The following VPS13D variants were observed in gnomAD, a reference collection of about 807,000 sequenced individuals.
VPS13D encodes vacuolar protein sorting 13 homolog D, also known as intermembrane lipid transfer protein VPS13D.
Under a neutral mutation model 461.9 loss-of-function variants are expected in VPS13D, and 187 were observed. That is an observed-to-expected ratio of 0.40 (90% CI 0.36 to 0.46). The LOEUF (loss-of-function observed/expected upper bound fraction) is 0.46, where lower values mean the gene tolerates loss of function less well. Ranked by LOEUF, VPS13D falls within the 20% of genes least tolerant of loss-of-function variation. The pLI is 0.60. For missense variants in VPS13D, 4,711 were observed against 5,364.9 expected (o/e 0.88, Z 3.81); for synonymous variants, 1,951 against 1,986.3 (o/e 0.98, Z 0.47).
At chr1:12,416,517 A>G (rs1176237004) in intron 64 of VPS13D, 143 bp from the exon 65 acceptor site, 1 of 857,030 alleles carries the variant, frequency 1.2e-6, no homozygotes, top group Non-Finnish European at 1.7e-6. Context: ...CAGTTGATGA[A>G]GATTAAAAGC....
At chr1:12,252,071 T>C (rs1640751810) in intron 6 of VPS13D, among the ~76,000 whole-genome samples, 1 of 152,108 alleles carries the variant, frequency 6.6e-6, no homozygotes, top group African/African-American at 2.4e-5. Flanking sequence ...CATGTGGCCT[T>C]CTCCTTGTGT....
chr1:12,324,343 C>T (rs1359695440), intron 35 of VPS13D, among the ~76,000 whole-genome samples: 1 of 152,078 alleles, frequency 6.6e-6, no homozygotes, highest in Non-Finnish European at 1.5e-5. Flanking sequence ...CGCATCTCTA[C>T]TAAAAATACA....
chr1:12,293,848 G>A, intron 24 of VPS13D, 144 bp downstream of exon 24: 1 of 824,138 alleles, frequency 1.2e-6, no homozygotes, highest in Non-Finnish European at 1.8e-6. Context: ...AGACATCTTT[G>A]TGTAATTGAA....
At chr1:12,320,079 C>G (rs2101525395) in intron 32 of VPS13D, among the ~76,000 whole-genome samples, 1 of 152,320 alleles carries the variant, frequency 6.6e-6, no homozygotes, top group Non-Finnish European at 1.5e-5. Flanking sequence ...TGCTAAGGAT[C>G]TTATATGTTA....
chr1:12,500,733 T>C (rs1170040610), intron 68 of VPS13D, among the ~76,000 whole-genome samples: 2 of 151,712 alleles, frequency 1.3e-5, no homozygotes, highest in Non-Finnish European at 2.9e-5. Flanking sequence ...TTTCAATTTT[T>C]TGTAGAGATG....
chr1:12,350,482 A>G (rs953130989), intron 46 of VPS13D, among the ~76,000 whole-genome samples: 4 of 152,226 alleles, frequency 2.6e-5, no homozygotes, highest in African/African-American at 9.6e-5. Context: ...TCAAAAGGTA[A>G]TAAAAGGCAG....
chr1:12,416,580 A>G, intron 64 of VPS13D, 80 bp from the exon 65 acceptor site: 1 of 1,436,156 alleles, frequency 7.0e-7, no homozygotes, highest in Admixed American at 2.3e-5. Flanking sequence ...TAGATTTCTA[A>G]GCTCTTCGCT....
chr1:12,315,436 A>C (rs1184867064), intron 30 of VPS13D, among the ~76,000 whole-genome samples: 1 of 152,160 alleles, frequency 6.6e-6, no homozygotes, highest in Non-Finnish European at 1.5e-5. Flanking sequence ...TGAACTTTAA[A>C]AGTTCAGGAG....
chr1:12,285,548 C>T (rs1042271582), intron 21 of VPS13D, among the ~76,000 whole-genome samples: 8 of 152,054 alleles, frequency 5.3e-5, no homozygotes, highest in African/African-American at 1.9e-4. Context: ...CCTCAGTCTC[C>T]CAAAGTGCTG....
In VPS13D at chr1:12,502,118, G is replaced by C. The variant is rs548298654; in HGVS notation, c.12794+4487G>C. Among the ~76,000 whole-genome samples the C allele has an allele frequency of 8.5e-5, 13 of 152,288 alleles. 1 individual carries two copies. The highest frequency in any genetic ancestry group is 3.4e-3 in the Middle Eastern group (1 of 294). ...CTGTAGGTGGGAGTGAGATTGTGAG[G>C]AAGAGGATCCCACTCAAAATTCGTC... is the stretch of plus-strand genomic sequence containing the variant. On this transcript the variant is annotated intron_variant, in intron 68 of 69. Transcript: ENST00000620676. This position sits in a 1 kb window ranked among gnomAD's most constrained non-coding sequence, Gnocchi z 4.3.
intron 65 of VPS13D, among the ~76,000 whole-genome samples, chr1:12,454,904 A>G (rs1446667052): frequency 6.6e-6 from 1 of 152,232 alleles, no homozygotes; most frequent in African/African-American, 2.4e-5. Flanking sequence ...TTAATTATAT[A>G]TTTGATATCC....
chr1:12,286,047 CTTCCT>C (rs576395750), intron 21 of VPS13D, among the ~76,000 whole-genome samples: 41 of 144,824 alleles, frequency 2.8e-4, no homozygotes, highest in Admixed American at 2.0e-3. Context: ...CCTCCCTTCC[CTTCCT>C]TTCCTTTCCT....
intron 69 of VPS13D, 32 bp from the exon 70 acceptor site, chr1:12,508,861 G>A: frequency 6.2e-7 from 1 of 1,607,056 alleles, no homozygotes; most frequent in Non-Finnish European, 8.5e-7. Context: ...CCCATCCTGG[G>A]GACAGGTGAC....
intron 66 of VPS13D, 87 bp from the exon 67 acceptor site, chr1:12,460,114 T>G: frequency 7.9e-7 from 1 of 1,264,930 alleles, no homozygotes; most frequent in Non-Finnish European, 1.1e-6. Context: ...TGGCCTTAAG[T>G]TATCATTCCA....
chr1:12,388,716 A>G (rs1244077751), intron 60 of VPS13D, among the ~76,000 whole-genome samples: 1 of 152,228 alleles, frequency 6.6e-6, no homozygotes, highest in African/African-American at 2.4e-5. Flanking sequence ...CAATTAACTA[A>G]ATTTAAATGT....
At chr1:12,351,176 C>T (rs1490201463) in intron 46 of VPS13D, among the ~76,000 whole-genome samples, 2 of 152,146 alleles carry the variant, frequency 1.3e-5, no homozygotes, top group East Asian at 1.9e-4. Context: ...AGAACAATTC[C>T]GAACTCATTT....
chr1:12,415,255 A>T, intron 64 of VPS13D, 34 bp downstream of exon 64: 1 of 1,613,384 alleles, frequency 6.2e-7, no homozygotes, highest in Middle Eastern at 1.7e-4. Flanking sequence ...TGGCTGGAGC[A>T]TAAGCAGAAT....
Position 12,276,866 on chromosome 1 carries a change from C to T in VPS13D, c.3278C>T (p.Ser1093Leu), listed in dbSNP as rs749131745. Reference sequence around the variant, plus strand: ...CAGTTTGTGAGTTCAGAGTGCCCATCGATGAATTTAGACAGTACTCTTCAG... The same window carrying T: ...CAGTTTGTGAGTTCAGAGTGCCCATTGATGAATTTAGACAGTACTCTTCAG... ...EYQFVSSECP[S>L]MNLDSTLQVI... Residue 1093 changes from serine (S) to leucine (L), a missense_variant, in exon 19 of 70, where the codon TCG (serine) becomes TTG (leucine). By Grantham distance (145) the Ser-to-Leu change is moderately radical (BLOSUM62 -2). Coordinates refer to ENST00000620676, the MANE Select transcript of VPS13D (RefSeq NM_015378.4). The surrounding 1 kb of genome is among the most constrained non-coding windows in gnomAD (Gnocchi z 4.5). The T allele has an allele frequency of 3.2e-5, 52 of 1,613,992 alleles. No individual in the cohort carries two copies. The highest frequency in any genetic ancestry group is 3.3e-4 in the Middle Eastern group (2 of 6,084).
rs551913489 is a variant in VPS13D, at chr1:12,288,196, G to A, written c.5635-27G>A. On this transcript the variant is annotated intron_variant, in intron 21 of 69. Transcript: ENST00000620676. Reference sequence around the variant, plus strand: ...ATACCTTTTCTCCCCAGTAATATTGGCCTTGCTTTATCTTGTCTGTTCCTA... The same window carrying A: ...ATACCTTTTCTCCCCAGTAATATTGACCTTGCTTTATCTTGTCTGTTCCTA... 38 of 1,578,322 alleles carry A rather than the reference G, an allele frequency of 2.4e-5. No individual in the cohort carries two copies. In the South Asian group the frequency reaches 4.0e-4, roughly 17 times the overall value.
Sources: allele counts gnomAD v4.1 joint callset (sites outside exome capture counted in the v4.1 genomes callset), GRCh38; gene constraint gnomAD v4.1.1; non-coding constraint Gnocchi (gnomAD v3.1); transcripts MANE v1.5; gene names NCBI Gene and HGNC (gene_info 2026-07-23, HGNC 2026-07-21).